The following NCKAP1L variants were observed in gnomAD, a reference collection of about 807,000 sequenced individuals.
NCKAP1L encodes nck-associated protein 1-like.
In NCKAP1L, 53 loss-of-function variants were observed where a neutral mutation model predicts 139.2. The ratio of observed to expected loss-of-function variants is 0.38; its 90% CI spans 0.31 to 0.48. The LOEUF (loss-of-function observed/expected upper bound fraction) is 0.48. NCKAP1L is among the 20% of genes least tolerant of loss of function. The pLI is 0.98. For missense variants in NCKAP1L, 1,151 were observed against 1,381.9 expected (o/e 0.83, Z 2.65); for synonymous variants, 468 against 499.7 (o/e 0.94, Z 0.85).
In NCKAP1L at chr12:54,536,926, A is replaced by C; in HGVS notation, c.3074-18A>C. The C allele has an allele frequency of 3.9e-6, 6 of 1,541,580 alleles. No individual in the cohort carries two copies. Among genetic ancestry groups the C allele is most frequent in the Non-Finnish European group, 5.4e-6 (6 of 1,115,724 alleles). The stretch of plus-strand genomic sequence containing the variant: ...CATTTCCTCTTTTTTCTCTCCATCT[A>C]TATCAATAATAACCTAGGTTACAAC... On this transcript the variant is annotated intron_variant, in intron 28 of 30. Coordinates refer to ENST00000293373, the MANE Select transcript of NCKAP1L (RefSeq NM_005337.5).
intron 3 of NCKAP1L, among the ~76,000 whole-genome samples, chr12:54,505,942 G>A (rs1439978444): frequency 6.6e-6 from 1 of 152,184 alleles, no homozygotes; most frequent in Non-Finnish European, 1.5e-5. Context: ...GATTACAGGC[G>A]GGAGCCACGG....
chr12:54,499,012 GC>G (rs1956774596), intron 1 of NCKAP1L, among the ~76,000 whole-genome samples: 1 of 151,634 alleles, frequency 6.6e-6, no homozygotes, highest in South Asian at 2.1e-4. Flanking sequence ...TGCAACCTCC[GC>G]CTCCCGGGTT....
At chr12:54,498,889 C>T (rs1467046152) in intron 1 of NCKAP1L, 12 of 606,784 alleles carry the variant, frequency 2.0e-5, no homozygotes, top group Non-Finnish European at 2.2e-5. Flanking sequence ...TTTTTCTTGA[C>T]CTACTCTTAT....
intron 3 of NCKAP1L, among the ~76,000 whole-genome samples, chr12:54,504,232 G>A (rs560105035): frequency 2.6e-5 from 4 of 152,140 alleles, no homozygotes; most frequent in Admixed American, 6.6e-5. Context: ...AGCCCTCTGA[G>A]CAACCCAAGC....
At chr12:54,517,230 G>A (rs1383319161) in intron 11 of NCKAP1L, among the ~76,000 whole-genome samples, 1 of 152,148 alleles carries the variant, frequency 6.6e-6, no homozygotes, top group East Asian at 1.9e-4. Context: ...CTCTATTTGA[G>A]TGTGAATGAA....
chr12:54,503,358 A>G (rs1344249557), intron 3 of NCKAP1L, among the ~76,000 whole-genome samples: 1 of 152,074 alleles, frequency 6.6e-6, no homozygotes, highest in African/African-American at 2.4e-5. Flanking sequence ...ATAAGGTATT[A>G]TTAAAATTTT....
At chr12:54,510,797 C>T (rs145176930) in intron 7 of NCKAP1L, among the ~76,000 whole-genome samples, 1 of 151,964 alleles carries the variant, frequency 6.6e-6, no homozygotes, top group East Asian at 1.9e-4. Context: ...GCTGGGATTA[C>T]AGGCGTGAGC....
At chr12:54,523,699 G>A in intron 19 of NCKAP1L, 126 bp from the exon 20 acceptor site, 2 of 1,450,536 alleles carry the variant, frequency 1.4e-6, no homozygotes, top group Non-Finnish European at 9.3e-7. Flanking sequence ...TGCCTTTGAA[G>A]TCTACATCAA....
chr12:54,522,720 T>G (rs1279241470), intron 18 of NCKAP1L, among the ~76,000 whole-genome samples: 1 of 152,216 alleles, frequency 6.6e-6, no homozygotes, highest in Non-Finnish European at 1.5e-5. Context: ...TGATTTCAAC[T>G]GAGGAGCTTC....
intron 28 of NCKAP1L, 100 bp downstream of exon 28, chr12:54,536,345 G>A: frequency 3.4e-6 from 3 of 893,454 alleles, no homozygotes; most frequent in South Asian, 2.8e-5. Flanking sequence ...CTTCTGACTT[G>A]GGTGTAAAGT....
chr12:54,523,675 C>A, intron 19 of NCKAP1L, 136 bp downstream of exon 19: 4 of 1,426,532 alleles, frequency 2.8e-6, no homozygotes, highest in South Asian at 1.4e-5. Flanking sequence ...CACTTAAATG[C>A]GAATTTCCTA....
At chr12:54,498,913 ATATTTATTTATT>A (rs10528777) in intron 1 of NCKAP1L, 24 of 203,062 alleles carry the variant, frequency 1.2e-4, no homozygotes, top group Middle Eastern at 2.4e-3. Context: ...TTTTATTTTT[ATATTTATTTATT>A]TATTTATTTA....
chr12:54,520,642 C>T, intron 16 of NCKAP1L, 52 bp from the exon 17 acceptor site: 1 of 1,602,200 alleles, frequency 6.2e-7, no homozygotes, highest in Non-Finnish European at 8.6e-7. Flanking sequence ...TCACTCACCA[C>T]TTTACTAATA....
intron 29 of NCKAP1L, among the ~76,000 whole-genome samples, chr12:54,537,856 T>C (rs1189577145): frequency 6.6e-6 from 1 of 152,150 alleles, no homozygotes; most frequent in Non-Finnish European, 1.5e-5. Flanking sequence ...ATATCCAATT[T>C]CTTAAAAAAA....
At chr12:54,519,004 C>A in intron 15 of NCKAP1L, 32 bp downstream of exon 15, 2 of 1,592,826 alleles carry the variant, frequency 1.3e-6, no homozygotes, top group Non-Finnish European at 1.7e-6. Flanking sequence ...AGATTCTCAT[C>A]CTCAGATTCT....
At chr12:54,541,617 T>A (rs2120983941) in intron 30 of NCKAP1L, among the ~76,000 whole-genome samples, 1 of 152,286 alleles carries the variant, frequency 6.6e-6, no homozygotes, top group South Asian at 2.1e-4. Flanking sequence ...GTGCATGTGT[T>A]TGAGAATAGG....
Position 54,499,448 on chromosome 12 carries a change from G to C in NCKAP1L, c.196G>C (p.Asp66His), listed in dbSNP as rs77427130. ...KYINKKFPNIDVRNSTQHLGP... is the reference protein window; with the variant it reads ...KYINKKFPNIHVRNSTQHLGP... ...TATCAACAAGAAATTTCCCAACATA[G>C]ATGTCCGAAACAGCACGGTGAGAAC... The change falls in exon 2 of 31, where the codon GAT becomes CAT. Residue 66 changes from aspartate (D) to histidine (H), a missense_variant. By Grantham distance (81) the Asp-to-His change is moderately conservative. Transcript: ENST00000293373. 4.1e-4 allele frequency: 655 copies of C among 1,590,452 alleles called. 2 individuals carry two copies. In the African/African-American group the frequency reaches 8.1e-3, roughly 20 times the overall value.
At chr12:54,528,130 C>A in intron 21 of NCKAP1L, 117 bp from the exon 22 acceptor site, 1 of 1,256,180 alleles carries the variant, frequency 8.0e-7, no homozygotes, top group South Asian at 1.4e-5. Flanking sequence ...TGAGTTTCTT[C>A]TCCCTACCCC....
Position 54,521,189 on chromosome 12 carries a change from G to A in NCKAP1L, c.1829G>A (p.Ser610Asn). The A allele has an allele frequency of 6.2e-7, 1 of 1,614,134 alleles. No homozygotes were observed. The highest frequency in any genetic ancestry group is 8.5e-7 in the Non-Finnish European group (1 of 1,180,024). ...SFLEELAKQTSNCVLEICAEQ... is the reference protein window; with the variant it reads ...SFLEELAKQTNNCVLEICAEQ... ...CTGGAAGAGTTGGCCAAGCAGACCA[G>A]CAATTGCGTCCTGGAGATCTGTGCT... Residue 610 changes from serine to asparagine, a missense_variant, in exon 18 of 31, where the codon AGC becomes AAC. Physicochemically the swap from Ser to Asn is conservative, Grantham distance 46. Transcript: ENST00000293373.
Sources: gnomAD v4.1 joint callset for allele counts (sites outside exome capture counted in the v4.1 genomes callset) on GRCh38, gnomAD v4.1.1 for gene constraint, MANE v1.5 for transcripts, NCBI Gene and HGNC (gene_info 2026-07-23, HGNC 2026-07-21) for gene names.